THSD7B: variants seen among roughly 807,000 people sequenced by gnomAD.
The protein encoded by THSD7B is thrombospondin type 1 domain containing 7B.
Under a neutral mutation model 213.6 loss-of-function variants are expected in THSD7B, and 138 were observed. The observed-to-expected ratio is 0.65, with a 90% CI of 0.56 to 0.74. THSD7B has a LOEUF of 0.74. Among genes scored for constraint, THSD7B ranks in the 30% least tolerant of loss-of-function variants. THSD7B has a pLI of 0.00. For missense variants in THSD7B, 1,931 were observed against 1,991.5 expected (o/e 0.97, Z 0.58); for synonymous variants, 742 against 687.0 (o/e 1.08, Z -1.25).
At chr2:137,065,515 A>G (rs978397267) in intron 3 of THSD7B, among the ~76,000 whole-genome samples, 5 of 151,960 alleles carry the variant, frequency 3.3e-5, no homozygotes, top group African/African-American at 1.2e-4. Context: ...GATTCCTCCA[A>G]GACTTTCAGT....
At chr2:137,380,000 A>G (rs988226997) in intron 12 of THSD7B, among the ~76,000 whole-genome samples, 1 of 152,228 alleles carries the variant, frequency 6.6e-6, no homozygotes, top group African/African-American at 2.4e-5. Flanking sequence ...ATACCAATGC[A>G]TGTCCTAACT....
At chr2:137,370,212 GTTAGAT>G (rs1685512221) in intron 12 of THSD7B, among the ~76,000 whole-genome samples, 3 of 152,116 alleles carry the variant, frequency 2.0e-5, no homozygotes, top group Admixed American at 6.6e-5. Flanking sequence ...TTTTAAAGAT[GTTAGAT>G]TTAATCTGTT....
chr2:137,363,842 A>G (rs2104939534), intron 12 of THSD7B, among the ~76,000 whole-genome samples: 3 of 152,348 alleles, frequency 2.0e-5, no homozygotes, highest in Middle Eastern at 6.8e-3. Context: ...TCTTTCTGAA[A>G]CTATTCCAAT....
At chr2:136,942,000 A>G (rs1684836311) in intron 2 of THSD7B, among the ~76,000 whole-genome samples, 1 of 152,152 alleles carries the variant, frequency 6.6e-6, no homozygotes, top group African/African-American at 2.4e-5. Context: ...TAAGTCTTTA[A>G]TCCATCTTGA....
intron 15 of THSD7B, among the ~76,000 whole-genome samples, chr2:137,475,273 A>G (rs1237601077): frequency 2.0e-5 from 3 of 152,202 alleles, no homozygotes. Flanking sequence ...AGAATGTGTA[A>G]TAATCAAGGC....
chr2:137,332,631 CTG>C, intron 12 of THSD7B, among the ~76,000 whole-genome samples: 1 of 152,136 alleles, frequency 6.6e-6, no homozygotes. Context: ...TATGTTTTGG[CTG>C]TGTTTCCACT....
chr2:137,332,311 A>G (rs1361905366), intron 12 of THSD7B, among the ~76,000 whole-genome samples: 1 of 152,080 alleles, frequency 6.6e-6, no homozygotes. Flanking sequence ...TTTAAGATTT[A>G]ATGACTGTCC....
At chr2:137,070,954 A>G (rs1188923524) in intron 3 of THSD7B, among the ~76,000 whole-genome samples, 1 of 151,958 alleles carries the variant, frequency 6.6e-6, no homozygotes, top group Non-Finnish European at 1.5e-5. Context: ...TCTTAATCCA[A>G]TCTGTCGTTG....
Position 137,568,876 on chromosome 2 carries a change from G to A in THSD7B, c.3273-3530G>A, listed in dbSNP as rs151328946. ...GGTATTCTGGAAACCTAGTGAAACA[G>A]GAATGCTGGGGTTATAGAGAGAATG... On this transcript the variant is annotated intron_variant, in intron 16 of 27. Transcript: ENST00000409968. Among the ~76,000 whole-genome samples, 943 of 152,308 alleles carry A rather than the reference G, an allele frequency of 6.2e-3. 6 individuals are homozygous for A. Among genetic ancestry groups the A allele is most frequent in the Admixed American group, 0.01 (155 of 15,294 alleles).
chr2:137,499,051 G>A (rs915390353), intron 15 of THSD7B, among the ~76,000 whole-genome samples: 2 of 152,176 alleles, frequency 1.3e-5, no homozygotes, highest in Non-Finnish European at 2.9e-5. Context: ...CTGAGTCACA[G>A]GCATCTTTGG....
chr2:137,089,272 GTGTA>G (rs141975961), intron 3 of THSD7B, among the ~76,000 whole-genome samples: 1,973 of 138,908 alleles, frequency 0.014, 51 homozygotes, highest in African/African-American at 0.043. Context: ...GTGTGTGTGT[GTGTA>G]TATGTATATA....
chr2:136,964,013 C>T (rs1248622301), intron 2 of THSD7B, among the ~76,000 whole-genome samples: 1 of 123,092 alleles, frequency 8.1e-6, no homozygotes, highest in African/African-American at 3.6e-5. Context: ...TGTCTGTCCT[C>T]TAGTTTGCAC....
At chr2:137,165,422 C>T (rs1316266772) in intron 6 of THSD7B, among the ~76,000 whole-genome samples, 1 of 152,120 alleles carries the variant, frequency 6.6e-6, no homozygotes, top group African/African-American at 2.4e-5. Context: ...TTCAAGGTAT[C>T]CAAGCATGTT....
At chr2:136,959,250 C>G (rs1357403391) in intron 2 of THSD7B, among the ~76,000 whole-genome samples, 2 of 152,196 alleles carry the variant, frequency 1.3e-5, no homozygotes, top group African/African-American at 4.8e-5. Context: ...GATAGTGCAG[C>G]ATTGTGTCAA....
chr2:137,530,239 AATTGAACGT>A lies in THSD7B; in HGVS notation c.3139-32981_3139-32973del, dbSNP rs534548706. Among the ~76,000 whole-genome samples the A allele has an allele frequency of 5.3e-5, 8 of 152,142 alleles. No individual in the cohort carries two copies. The East Asian group carries it at 1.6e-3, about 30-fold the overall frequency. On this transcript the variant is annotated intron_variant, in intron 15 of 27. Transcript: ENST00000409968. ...GAGTAAATCATGTTTATAACTGGAA[AATTGAACGT>A]TTCATGGATTTATATGAAACATATG...
At chr2:136,947,778 GT>G (rs1553460034) in intron 2 of THSD7B, among the ~76,000 whole-genome samples, 1 of 152,190 alleles carries the variant, frequency 6.6e-6, no homozygotes. Context: ...ATGTTTACAT[GT>G]TTTTTGCCTC....
intron 12 of THSD7B, among the ~76,000 whole-genome samples, chr2:137,393,073 A>G (rs189910100): frequency 1.2e-4 from 18 of 151,848 alleles, no homozygotes; most frequent in Admixed American, 1.1e-3. Context: ...TTTGGGAAAG[A>G]CTTTATTTTT....
intron 17 of THSD7B, among the ~76,000 whole-genome samples, chr2:137,586,731 G>C (rs1182184314): frequency 6.6e-6 from 1 of 152,162 alleles, no homozygotes; most frequent in Admixed American, 6.5e-5. Flanking sequence ...GCTTCCCTTT[G>C]TGGGTAACCC....
chr2:137,556,142 C>T (rs549736143), intron 15 of THSD7B, among the ~76,000 whole-genome samples: 1 of 152,284 alleles, frequency 6.6e-6, no homozygotes, highest in South Asian at 2.1e-4. Flanking sequence ...AGGAGAACTT[C>T]CCCAACCTAG....
Sources: allele counts gnomAD v4.1 joint callset (sites outside exome capture counted in the v4.1 genomes callset), GRCh38; gene constraint gnomAD v4.1.1; transcripts MANE v1.5; gene names NCBI Gene and HGNC (gene_info 2026-07-23, HGNC 2026-07-21).